The following PARK7 variants were observed in gnomAD, a reference collection of about 807,000 sequenced individuals.
PARK7 encodes the protein Parkinsonism associated deglycase.
In PARK7, 14 loss-of-function variants were observed where a neutral mutation model predicts 20.5. The ratio of observed to expected loss-of-function variants is 0.68; its 90% CI spans 0.45 to 1.07. PARK7 has a LOEUF of 1.07. Ranked by LOEUF, PARK7 falls within the 50% of genes least tolerant of loss-of-function variation. The probability of loss-of-function intolerance (pLI) is 0.00; values close to 1 mark genes in which losing one functional copy is unlikely to be tolerated. For missense variants in PARK7, 234 were observed against 238.1 expected, an observed-to-expected ratio of 0.98 and a Z score of 0.11; for synonymous variants, 98 against 84.3, an observed-to-expected ratio of 1.16 and a Z score of -0.89.
In PARK7 at chr1:7,985,179, G is replaced by C. The variant is rs779587926; in HGVS notation, c.*125G>C. 2 of 1,244,792 alleles carry C rather than the reference G, an allele frequency of 1.6e-6. No homozygotes were observed. Among genetic ancestry groups the C allele is most frequent in the Non-Finnish European group, 1.1e-6 (1 of 883,430 alleles). The allele number at this position is 1,244,792 out of a possible 1,614,324, so 77.1% of individuals were successfully genotyped here. On this transcript the variant is annotated 3_prime_UTR_variant, in exon 7 of 7. Coordinates refer to ENST00000338639, the MANE Select transcript of PARK7 (RefSeq NM_007262.5). ...AAGTCGCTGTCCTTACTACTTTTGCGGAAGTATGGAAGTCACAACTACACA... is the reference window on the plus strand; with the variant it reads ...AAGTCGCTGTCCTTACTACTTTTGCCGAAGTATGGAAGTCACAACTACACA...
chr1:7,984,746 A>G lies in PARK7; in HGVS notation c.410-148A>G, dbSNP rs926568682. On this transcript the variant is annotated intron_variant, in intron 6 of 6. Transcript: ENST00000338639. This position sits in a 1 kb window ranked among gnomAD's most constrained non-coding sequence, Gnocchi z 4.3. ...AAAAATACCTTTGTAGGGGGCTTCT[A>G]AGAGCTTGGAGTGCCTAGTAAATGT... is the stretch of plus-strand genomic sequence containing the variant. 3 of 930,354 alleles carry G rather than the reference A, an allele frequency of 3.2e-6. No individual in the cohort carries two copies. The highest frequency in any genetic ancestry group is 3.4e-6 in the Non-Finnish European group (2 of 591,278). The allele number at this position is 930,354 out of a possible 1,614,324, so 57.6% of individuals were successfully genotyped here. A position where few individuals can be genotyped will look rare whatever the true frequency, so the allele number is the denominator to read the frequency against.
At chr1:7,962,489 G>C (rs532642264) in intron 1 of PARK7, among the ~76,000 whole-genome samples, 1 of 152,230 alleles carries the variant, frequency 6.6e-6, no homozygotes, top group Non-Finnish European at 1.5e-5. Flanking sequence ...TACTATTAAA[G>C]TTGGATTTAA....
intron 6 of PARK7, among the ~76,000 whole-genome samples, chr1:7,983,174 T>C (rs1056546021): frequency 2.0e-5 from 3 of 152,230 alleles, no homozygotes; most frequent in Non-Finnish European, 4.4e-5. Context: ...AGCTCCTCCT[T>C]AGTGCCTGGC....
Position 7,983,245 on chromosome 1 carries a change from C to G in PARK7, c.410-1649C>G, listed in dbSNP as rs528614557. On this transcript the variant is annotated intron_variant, in intron 6 of 6. Coordinates refer to ENST00000338639, the MANE Select transcript of PARK7 (RefSeq NM_007262.5). The stretch of plus-strand genomic sequence containing the variant: ...CCCTCAGGGTGTTCTCAGGTCCGCA[C>G]TGAGCGGTGGTGACCAGAGCCACCC... Among the ~76,000 whole-genome samples, 5 of 152,334 alleles carry G rather than the reference C, an allele frequency of 3.3e-5. No homozygotes were observed. The South Asian group carries it at 1.0e-3, about 32-fold the overall frequency.
chr1:7,962,645 A>G (rs1640232251), intron 1 of PARK7, 118 bp from the exon 2 acceptor site: 3 of 661,480 alleles, frequency 4.5e-6, no homozygotes, highest in African/African-American at 1.8e-5. Context: ...TGTCTATGAA[A>G]ACCGTTTCCC....
Position 7,984,991 on chromosome 1 carries a change from T to G in PARK7, c.507T>G (p.Val169=), listed in dbSNP as rs368818999. The change falls in exon 7 of 7, where the codon GTT becomes GTG. Residue 169 remains valine (V), a synonymous_variant. Coordinates refer to ENST00000338639, the MANE Select transcript of PARK7 (RefSeq NM_007262.5). This position sits in a 1 kb window ranked among gnomAD's most constrained non-coding sequence, Gnocchi z 4.3. ...GTSFEFALAI[V]EALNGKEVAA... ...GCTTCGAGTTTGCGCTTGCAATTGT[T>G]GAAGCCCTGAATGGCAAGGAGGTGG... is the stretch of plus-strand genomic sequence containing the variant. 5 of 1,614,222 alleles carry G rather than the reference T, an allele frequency of 3.1e-6. No homozygotes were observed. The African/African-American group carries it at 5.3e-5, about 17-fold the overall frequency.
intron 2 of PARK7, 58 bp from the exon 3 acceptor site, chr1:7,965,266 A>C: frequency 6.8e-7 from 1 of 1,470,648 alleles, no homozygotes; most frequent in Non-Finnish European, 9.5e-7. Flanking sequence ...TTTTAAAGAC[A>C]GTGTTACTCT....
In PARK7 at chr1:7,970,923, G is replaced by A; in HGVS notation, c.282G>A (p.Glu94=). 6.2e-7 allele frequency: 1 copy of A among 1,614,176 alleles called. No homozygotes were observed. The highest frequency in any genetic ancestry group is 1.1e-5 in the South Asian group (1 of 91,086). Residue 94 remains glutamate (E), a synonymous_variant, in exon 5 of 7, where the codon GAG becomes GAA. Coordinates refer to ENST00000338639, the MANE Select transcript of PARK7 (RefSeq NM_007262.5). ...CTGCTGTGAAGGAGATACTGAAGGA[G>A]CAGGAAAACCGGAAGGGCCTGATAG... ...ESAAVKEILK[E]QENRKGLIAA...
intron 5 of PARK7, among the ~76,000 whole-genome samples, chr1:7,973,140 C>T (rs1048942956): frequency 6.6e-6 from 1 of 152,166 alleles, no homozygotes; most frequent in African/African-American, 2.4e-5. Context: ...GTTTGAGAAC[C>T]GTGGCATTAG....
chr1:7,975,564 G>T (rs972433024), intron 5 of PARK7, among the ~76,000 whole-genome samples: 1 of 152,188 alleles, frequency 6.6e-6, no homozygotes, highest in Non-Finnish European at 1.5e-5. Flanking sequence ...AGAGTGAAAC[G>T]TCTCTTCTCC....
intron 2 of PARK7, 99 bp downstream of exon 2, chr1:7,962,974 C>A: frequency 2.1e-6 from 2 of 958,040 alleles, no homozygotes; most frequent in Non-Finnish European, 3.3e-6. Flanking sequence ...TGAAATATTT[C>A]AAATATACAC....
intron 5 of PARK7, among the ~76,000 whole-genome samples, chr1:7,973,976 G>A (rs544988905): frequency 1.4e-4 from 21 of 151,006 alleles, no homozygotes; most frequent in Non-Finnish European, 2.8e-4. Flanking sequence ...GGAATGCCAT[G>A]CTAAGAAGCA....
intron 1 of PARK7, chr1:7,962,136 A>T (rs1640216933): frequency 2.0e-5 from 3 of 152,756 alleles, no homozygotes; most frequent in South Asian, 4.1e-4. Flanking sequence ...AACCTCGTTG[A>T]GCTGCTGTCG....
chr1:7,962,075 G>C (rs1416809537), intron 1 of PARK7: 1 of 152,336 alleles, frequency 6.6e-6, no homozygotes, highest in Non-Finnish European at 1.5e-5. Flanking sequence ...TCTGTTTTGC[G>C]TGGACGGTAA....
chr1:7,968,212 G>T (rs1640368901), intron 3 of PARK7, among the ~76,000 whole-genome samples: 1 of 150,440 alleles, frequency 6.6e-6, no homozygotes, highest in Non-Finnish European at 1.5e-5. Flanking sequence ...GGAGGCTGAG[G>T]CAGGAGAATC....
intron 5 of PARK7, 34 bp from the exon 6 acceptor site, chr1:7,977,618 A>G (rs1313675229): frequency 6.3e-7 from 1 of 1,579,022 alleles, no homozygotes; most frequent in African/African-American, 1.3e-5. Context: ...GCTTTTCTAT[A>G]TCTGCACTTA....
intron 2 of PARK7, among the ~76,000 whole-genome samples, chr1:7,963,213 GCCA>G (rs757256228): frequency 3.6e-4 from 55 of 151,914 alleles, no homozygotes; most frequent in Non-Finnish European, 7.4e-4. Context: ...ACAGATGCGT[GCCA>G]CCACACCTGG....
chr1:7,964,619 G>A (rs1019158375), intron 2 of PARK7, among the ~76,000 whole-genome samples: 2 of 152,158 alleles, frequency 1.3e-5, no homozygotes, highest in Admixed American at 6.6e-5. Context: ...TGACTAGGCC[G>A]AAGGATAGCC....
In PARK7 at chr1:7,984,488, C is replaced by T. The variant is rs1435641133; in HGVS notation, c.410-406C>T. ...TGTTTTTGAGGCATCAGAGGGTGTG[C>T]GTGCCGCCACATGTTGATTGGGGTG... On this transcript the variant is annotated intron_variant, in intron 6 of 6. Coordinates refer to ENST00000338639, the MANE Select transcript of PARK7 (RefSeq NM_007262.5). This position sits in a 1 kb window ranked among gnomAD's most constrained non-coding sequence, Gnocchi z 4.3. Among the ~76,000 whole-genome samples the T allele has an allele frequency of 1.3e-5, 2 of 152,196 alleles. No individual in the cohort carries two copies. Among genetic ancestry groups the T allele is most frequent in the African/African-American group, 2.4e-5 (1 of 41,450 alleles).
Sources: allele counts gnomAD v4.1 joint callset (sites outside exome capture counted in the v4.1 genomes callset), GRCh38; gene constraint gnomAD v4.1.1; non-coding constraint Gnocchi (gnomAD v3.1); transcripts MANE v1.5; gene names NCBI Gene and HGNC (gene_info 2026-07-23, HGNC 2026-07-21).